Variants in MUSK observed in about 807,000 individuals in gnomAD.
MUSK encodes the protein muscle associated receptor tyrosine kinase.
MUSK carries 55 observed loss-of-function variants against 88.7 expected under a neutral mutation model. That is an observed-to-expected ratio of 0.62 (90% CI 0.50 to 0.78). The LOEUF (loss-of-function observed/expected upper bound fraction) is 0.78. Among genes scored for constraint, MUSK ranks in the 30% least tolerant of loss-of-function variants. The probability of loss-of-function intolerance (pLI) is 0.00; values close to 1 mark genes in which losing one functional copy is unlikely to be tolerated. For missense variants in MUSK, 1,015 were observed against 1,074.3 expected, an observed-to-expected ratio of 0.94 and a Z score of 0.77; for synonymous variants, 387 against 391.9, an observed-to-expected ratio of 0.99 and a Z score of 0.15.
chr9:110,755,966 A>G (rs1171940417), intron 7 of MUSK, among the ~76,000 whole-genome samples: 20 of 49,580 alleles, frequency 4.0e-4, no homozygotes, highest in Non-Finnish European at 6.5e-4. Context: ...ATATATATAC[A>G]TATATATATA....
At chr9:110,771,440 G>A (rs939113337) in intron 9 of MUSK, among the ~76,000 whole-genome samples, 4 of 151,900 alleles carry the variant, frequency 2.6e-5, no homozygotes, top group Non-Finnish European at 4.4e-5. Flanking sequence ...AGGCATCGTC[G>A]TTCTGATTTC....
intron 5 of MUSK, among the ~76,000 whole-genome samples, chr9:110,711,424 G>T (rs947499335): frequency 1.3e-5 from 2 of 152,132 alleles, no homozygotes; most frequent in African/African-American, 4.8e-5. Context: ...AACTGACCTG[G>T]ATTTATACAA....
intron 3 of MUSK, among the ~76,000 whole-genome samples, chr9:110,689,332 T>C (rs1410855637): frequency 1.7e-5 from 2 of 116,704 alleles, no homozygotes; most frequent in African/African-American, 3.5e-5. Flanking sequence ...AAATATATAT[T>C]TAAATATAAA....
At chr9:110,774,785 C>A (rs2077639219) in intron 9 of MUSK, among the ~76,000 whole-genome samples, 1 of 151,914 alleles carries the variant, frequency 6.6e-6, no homozygotes, top group Non-Finnish European at 1.5e-5. Context: ...TCTATGCATA[C>A]TCAATTAGCA....
chr9:110,762,204 T>G lies in MUSK; in HGVS notation c.916T>G (p.Trp306Gly), dbSNP rs1319203200. The G allele has an allele frequency of 4.9e-6, 7 of 1,442,698 alleles. No homozygotes were observed. Among genetic ancestry groups the G allele is most frequent in the Non-Finnish European group, 6.4e-6 (7 of 1,094,510 alleles). 89.4% of individuals were successfully genotyped at this position (1,442,698 alleles called of 1,614,324 possible). ...GGAACTTCCTTTCCTGTTAATAGAA[T>G]GGAGGTAAGAAACTGTTATTGTAAC... The part of the protein sequence containing the change: ...KAAATISIAE[W>G]SKPQKDNKGY... Residue 306 changes from tryptophan (W) to glycine (G), a missense_variant and splice_region_variant, in exon 8 of 15, where the codon TGG becomes GGG. Physicochemically the swap from Trp to Gly is radical, Grantham distance 184 (BLOSUM62 -2). Coordinates refer to ENST00000374448, the MANE Select transcript of MUSK (RefSeq NM_005592.4).
intron 5 of MUSK, among the ~76,000 whole-genome samples, chr9:110,733,698 C>T (rs2076992877): frequency 6.6e-6 from 1 of 151,906 alleles, no homozygotes; most frequent in Non-Finnish European, 1.5e-5. Context: ...CTATCCTGTG[C>T]TTGCTCTGGT....
At chr9:110,672,494 T>A (rs1322574369) in intron 1 of MUSK, among the ~76,000 whole-genome samples, 1 of 152,146 alleles carries the variant, frequency 6.6e-6, no homozygotes, top group Non-Finnish European at 1.5e-5. Context: ...GGATTGGCAC[T>A]TTCCAGGGTC....
intron 13 of MUSK, among the ~76,000 whole-genome samples, chr9:110,786,244 G>C (rs2077860828): frequency 6.7e-6 from 1 of 149,580 alleles, no homozygotes; most frequent in Non-Finnish European, 1.5e-5. Flanking sequence ...CCGGAAGACA[G>C]AGGTTGCAGT....
chr9:110,787,564 A>C, intron 13 of MUSK, 126 bp from the exon 14 acceptor site: 2 of 812,316 alleles, frequency 2.5e-6, no homozygotes, highest in East Asian at 2.8e-5. Context: ...GGCTCTGGGA[A>C]AGGCTGCGTG....
At chr9:110,701,134 T>G (rs991130212) in intron 5 of MUSK, among the ~76,000 whole-genome samples, 5 of 152,270 alleles carry the variant, frequency 3.3e-5, no homozygotes, top group Non-Finnish European at 5.9e-5. Flanking sequence ...TGAAGTGAGT[T>G]CTAAAATAGC....
chr9:110,764,269 AAC>A (rs1429144301), intron 8 of MUSK, among the ~76,000 whole-genome samples: 4 of 152,218 alleles, frequency 2.6e-5, no homozygotes, highest in Admixed American at 6.5e-5. Flanking sequence ...CAGGCAGAGA[AAC>A]ACAACTTTAG....
intron 4 of MUSK, 135 bp from the exon 5 acceptor site, chr9:110,697,187 CATA>C: frequency 1.2e-6 from 1 of 825,104 alleles, no homozygotes; most frequent in Non-Finnish European, 1.9e-6. Flanking sequence ...GTATGTTTTA[CATA>C]ATAAGTGGCC....
Position 110,697,485 on chromosome 9 carries a change from T to C in MUSK, c.628+19T>C, listed in dbSNP as rs1157668214. Reference sequence around the variant, plus strand: ...GTTGAGGGTAAGGAGCTGCATTTCTTCCCCTGACTGTGTGACCAGGGGCCT... The same window carrying C: ...GTTGAGGGTAAGGAGCTGCATTTCTCCCCCTGACTGTGTGACCAGGGGCCT... On this transcript the variant is annotated intron_variant, in intron 5 of 14. Transcript: ENST00000374448. 1 of 1,603,680 alleles carries C rather than the reference T, an allele frequency of 6.2e-7. No homozygotes were observed. Among genetic ancestry groups the C allele is most frequent in the Admixed American group, 1.7e-5 (1 of 59,302 alleles).
intron 7 of MUSK, among the ~76,000 whole-genome samples, chr9:110,748,583 A>T (rs1213047417): frequency 6.6e-6 from 1 of 152,194 alleles, no homozygotes; most frequent in Non-Finnish European, 1.5e-5. Flanking sequence ...GTATCAGGAA[A>T]TGCCAGGCAT....
intron 14 of MUSK, among the ~76,000 whole-genome samples, chr9:110,800,068 G>T (rs759812990): frequency 2.0e-5 from 3 of 152,090 alleles, no homozygotes; most frequent in East Asian, 1.9e-4. Flanking sequence ...CGCTCTGCTG[G>T]AAGTCCTCAA....
At chr9:110,722,536 A>T (rs531816195) in intron 5 of MUSK, among the ~76,000 whole-genome samples, 5 of 145,774 alleles carry the variant, frequency 3.4e-5, no homozygotes, top group Admixed American at 1.4e-4. Context: ...TCATGGGAAG[A>T]AAAAAAAAAA....
intron 5 of MUSK, among the ~76,000 whole-genome samples, chr9:110,720,578 A>T (rs2076798286): frequency 6.6e-6 from 1 of 152,056 alleles, no homozygotes; most frequent in Non-Finnish European, 1.5e-5. Context: ...AATAACAAGC[A>T]GAAAGATTGA....
chr9:110,803,278 G>C lies in MUSK; in HGVS notation c.*2290G>C, dbSNP rs967226668. Among the ~76,000 whole-genome samples, 3 of 152,148 alleles carry C rather than the reference G, an allele frequency of 2.0e-5. No homozygotes were observed. Among genetic ancestry groups the C allele is most frequent in the African/African-American group, 7.2e-5 (3 of 41,424 alleles). Reference sequence around the variant, plus strand: ...ACCTCACAACATCCCTGTAATGTTGGTACTATCATTATATACATTTTAGTT... The same window carrying C: ...ACCTCACAACATCCCTGTAATGTTGCTACTATCATTATATACATTTTAGTT... On this transcript the variant is annotated 3_prime_UTR_variant, in exon 15 of 15. Coordinates refer to ENST00000374448, the MANE Select transcript of MUSK (RefSeq NM_005592.4).
intron 5 of MUSK, among the ~76,000 whole-genome samples, chr9:110,710,441 T>C (rs1016762765): frequency 1.3e-5 from 2 of 152,222 alleles, no homozygotes; most frequent in Non-Finnish European, 2.9e-5. Flanking sequence ...GTCTGTTGTT[T>C]ACATTGTTAT....
Sources: gnomAD v4.1 joint callset for allele counts (sites outside exome capture counted in the v4.1 genomes callset) on GRCh38, gnomAD v4.1.1 for gene constraint, MANE v1.5 for transcripts, NCBI Gene and HGNC (gene_info 2026-07-23, HGNC 2026-07-21) for gene names.